OR11H4: variants seen among roughly 807,000 people sequenced by gnomAD.
The protein encoded by OR11H4 is olfactory receptor 11H4.
For synonymous variants in OR11H4, 162 were observed against 142.3 expected, an observed-to-expected ratio of 1.14 and a Z score of -0.98; for missense variants, 460 against 371.1, an observed-to-expected ratio of 1.24 and a Z score of -1.97.
chr14:20,242,697 T>A (rs1880961137), intron 1 of OR11H4, 114 bp from the exon 2 acceptor site: 1 of 1,197,762 alleles, frequency 8.3e-7, no homozygotes, highest in Non-Finnish European at 1.2e-6. Context: ...TTATCTCATG[T>A]ATTTTCCTGT....
chr14:20,242,216 C>T (rs529829356), intron 1 of OR11H4, among the ~76,000 whole-genome samples: 374 of 152,190 alleles, frequency 2.5e-3, no homozygotes, highest in African/African-American at 6.2e-3. Flanking sequence ...GGAGAAACCT[C>T]AGACAATACC....
At position 20,243,595 on chromosome 14, in the gene OR11H4, G is replaced by C. The variant is rs1880991942; in HGVS notation, c.774G>C (p.Met258Ile). Reference sequence around the variant, plus strand: ...TTTTCTATGGGACAGTCATGGTAATGTATGTAAGTCCTACATATGGGATCC... The same window carrying C: ...TTTTCTATGGGACAGTCATGGTAATCTATGTAAGTCCTACATATGGGATCC... ...VSLFYGTVMV[M>I]YVSPTYGIPT... is the part of the protein sequence containing the mutation. Residue 258 changes from methionine (M) to isoleucine (I), a missense_variant, in exon 2 of 2, where the codon ATG becomes ATC. By Grantham distance (10) the Met-to-Ile change is conservative. Transcript: ENST00000641082. 1.9e-6 allele frequency: 3 copies of C among 1,613,594 alleles called. No individual in the cohort carries two copies. The East Asian group carries it at 6.7e-5, about 36-fold the overall frequency.
Position 20,243,285 on chromosome 14 carries a change from G to A in OR11H4, c.464G>A (p.Gly155Glu). Residue 155 changes from glycine to glutamate, a missense_variant, in exon 2 of 2, where the codon GGA (glycine) becomes GAA (glutamate). Coordinates refer to ENST00000641082, the MANE Select transcript of OR11H4 (RefSeq NM_001004479.2). ...TTCTGTTGGCTTATTGGATTCCTTG[G>A]ATACCCAATTCCCATTTTCTACATC... ...VSFCWLIGFL[G>E]YPIPIFYISQ... The A allele has an allele frequency of 6.2e-7, 1 of 1,614,032 alleles. No individual in the cohort carries two copies. The highest frequency in any genetic ancestry group is 8.5e-7 in the Non-Finnish European group (1 of 1,180,012).
At position 20,243,367 on chromosome 14, in the gene OR11H4, C is replaced by A. The variant is rs139794108; in HGVS notation, c.546C>A (p.Asp182Glu). ...NIIDHFLCDM[D>E]PLMALSCAPA... ...TTGATCACTTCCTGTGTGACATGGACCCATTGATGGCTCTATCCTGTGCCC... is the reference window on the plus strand; with the variant it reads ...TTGATCACTTCCTGTGTGACATGGAACCATTGATGGCTCTATCCTGTGCCC... Residue 182 changes from aspartate (D) to glutamate (E), a missense_variant, in exon 2 of 2, where the codon GAC (aspartate) becomes GAA (glutamate). Physicochemically the swap from Asp to Glu is conservative, Grantham distance 45. Coordinates refer to ENST00000641082, the MANE Select transcript of OR11H4 (RefSeq NM_001004479.2). 1 of 1,614,012 alleles carries A rather than the reference C, an allele frequency of 6.2e-7. No individual in the cohort carries two copies. The highest frequency in any genetic ancestry group is 2.2e-5 in the East Asian group (1 of 44,886).
intron 1 of OR11H4, among the ~76,000 whole-genome samples, chr14:20,242,382 T>C (rs532908310): frequency 1.1e-4 from 17 of 152,308 alleles, no homozygotes; most frequent in African/African-American, 4.1e-4. Context: ...CCCTTAAACC[T>C]GGATTTTATA....
At chr14:20,241,298 A>C (rs1172046445) in intron 1 of OR11H4, among the ~76,000 whole-genome samples, 1 of 152,178 alleles carries the variant, frequency 6.6e-6, no homozygotes, top group Non-Finnish European at 1.5e-5. Context: ...ATGTTTTTAA[A>C]ATATTATCAT....
rs576348380 is a variant in OR11H4, at chr14:20,239,921, T to G, written c.-12+590T>G. Among the ~76,000 whole-genome samples the G allele has an allele frequency of 5.9e-5, 9 of 152,272 alleles. No homozygotes were observed. The East Asian group carries it at 7.7e-4, about 13-fold the overall frequency. On this transcript the variant is annotated intron_variant, in intron 1 of 1. Coordinates refer to ENST00000641082, the MANE Select transcript of OR11H4 (RefSeq NM_001004479.2). ...TCCGTCAATGCGAAAACTCTGAAAT[T>G]GATTACTCGGGTCTTTCTATTAAGC...
At position 20,242,886 on chromosome 14, in the gene OR11H4, A is replaced by G; in HGVS notation, c.65A>G (p.Lys22Arg). The part of the protein sequence containing the change: ...FILLGFPGCW[K>R]IQIFLFSLFL... Reference sequence around the variant, plus strand: ...CTCCTGGGATTCCCTGGTTGCTGGAAGATTCAGATTTTCCTCTTCTCATTG... The same window carrying G: ...CTCCTGGGATTCCCTGGTTGCTGGAGGATTCAGATTTTCCTCTTCTCATTG... Residue 22 changes from lysine to arginine, a missense_variant, in exon 2 of 2, where the codon AAG becomes AGG. By Grantham distance (26) the Lys-to-Arg change is conservative. Transcript: ENST00000641082. 1 of 1,614,172 alleles carries G rather than the reference A, an allele frequency of 6.2e-7. No homozygotes were observed. The highest frequency in any genetic ancestry group is 8.5e-7 in the Non-Finnish European group (1 of 1,180,032).
Position 20,244,134 on chromosome 14 carries a change from G to A in OR11H4, c.*368G>A, listed in dbSNP as rs1425851130. ...GCTCCTAGGAGTCTTTGTCTGATGG[G>A]AATCAATAGTGGCACAATACCCAGC... On this transcript the variant is annotated 3_prime_UTR_variant, in exon 2 of 2. Coordinates refer to ENST00000641082, the MANE Select transcript of OR11H4 (RefSeq NM_001004479.2). The A allele has an allele frequency of 1.2e-5, 2 of 165,144 alleles. No individual in the cohort carries two copies. Among genetic ancestry groups the A allele is most frequent in the Non-Finnish European group, 2.6e-5 (2 of 77,126 alleles). 10.2% of individuals were successfully genotyped at this position (165,144 alleles called of 1,614,324 possible). A position where few individuals can be genotyped will look rare whatever the true frequency, so the allele number is the denominator to read the frequency against.
intron 1 of OR11H4, 72 bp from the exon 2 acceptor site, chr14:20,242,739 T>C (rs1880962226): frequency 6.6e-7 from 1 of 1,510,308 alleles, no homozygotes; most frequent in East Asian, 2.3e-5. Flanking sequence ...GTAAAATCCT[T>C]GAGATACGTA....
intron 1 of OR11H4, among the ~76,000 whole-genome samples, chr14:20,241,858 A>G (rs141595052): frequency 0.11 from 17,452 of 152,058 alleles, 1,158 homozygotes; most frequent in African/African-American, 0.18. Flanking sequence ...AGTTCAAGGG[A>G]AGGTACTATG....
intron 1 of OR11H4, among the ~76,000 whole-genome samples, chr14:20,241,940 G>A (rs1023015938): frequency 1.2e-4 from 18 of 152,012 alleles, no homozygotes; most frequent in Admixed American, 5.2e-4. Context: ...AGAATAACAA[G>A]GCAGCATTAC....
chr14:20,242,060 G>A (rs755475631), intron 1 of OR11H4, among the ~76,000 whole-genome samples: 144 of 152,114 alleles, frequency 9.5e-4, no homozygotes, highest in Non-Finnish European at 1.8e-3. Context: ...GGGGCAAGCA[G>A]GAGACAGTGG....
At chr14:20,240,998 C>T (rs1236833904) in intron 1 of OR11H4, among the ~76,000 whole-genome samples, 1 of 152,008 alleles carries the variant, frequency 6.6e-6, no homozygotes, top group Non-Finnish European at 1.5e-5. Flanking sequence ...CTTGTTGCTA[C>T]TGAAAAGTAC....
Position 20,243,108 on chromosome 14 carries a change from G to A in OR11H4, c.287G>A (p.Gly96Glu). The A allele has an allele frequency of 6.2e-7, 1 of 1,613,978 alleles. No individual in the cohort carries two copies. Among genetic ancestry groups the A allele is most frequent in the South Asian group, 1.1e-5 (1 of 91,074 alleles). The change falls in exon 2 of 2, where the codon GGG becomes GAG. Residue 96 changes from glycine to glutamate, a missense_variant. Gly to Glu is a moderately conservative substitution (Grantham distance 98). Transcript: ENST00000641082. ...LSKTKAISFS[G>E]CFLQFYFFFS... ...AAGACCAAGGCCATCTCATTTTCTG[G>A]GTGCTTCCTCCAGTTCTATTTCTTC...
intron 1 of OR11H4, among the ~76,000 whole-genome samples, chr14:20,240,579 CT>C (rs34514476): frequency 0.14 from 15,076 of 105,090 alleles, 695 homozygotes; most frequent in Middle Eastern, 0.16. Flanking sequence ...AAACTACCTT[CT>C]TTTTTTTTTT....
At position 20,243,675 on chromosome 14, in the gene OR11H4, T is replaced by G. The variant is rs779234986; in HGVS notation, c.854T>G (p.Phe285Cys). The G allele has an allele frequency of 4.6e-5, 75 of 1,613,964 alleles. No homozygotes were observed. Among genetic ancestry groups the G allele is most frequent in the Non-Finnish European group, 5.8e-5 (69 of 1,179,964 alleles). ...TLVYSVTTPL[F>C]NPLIYTLRNK... The stretch of plus-strand genomic sequence containing the variant: ...GTATATTCAGTAACGACTCCTCTTT[T>G]TAATCCTCTGATCTATACTCTTCGT... The change falls in exon 2 of 2, where the codon TTT becomes TGT. Residue 285 changes from phenylalanine to cysteine, a missense_variant. Physicochemically the swap from Phe to Cys is radical, Grantham distance 205. Coordinates refer to ENST00000641082, the MANE Select transcript of OR11H4 (RefSeq NM_001004479.2).
intron 1 of OR11H4, among the ~76,000 whole-genome samples, chr14:20,241,837 T>C (rs555902551): frequency 5.5e-4 from 83 of 152,122 alleles, no homozygotes; most frequent in South Asian, 2.9e-3. Flanking sequence ...GAAGAATCTA[T>C]GTCATAATTA....
At chr14:20,239,762 C>A (rs1297017501) in intron 1 of OR11H4, among the ~76,000 whole-genome samples, 1 of 151,824 alleles carries the variant, frequency 6.6e-6, no homozygotes, top group Non-Finnish European at 1.5e-5. Flanking sequence ...TGATATATCT[C>A]AAAAATCAGG....
Sources: allele counts gnomAD v4.1 joint callset (sites outside exome capture counted in the v4.1 genomes callset), GRCh38; gene constraint gnomAD v4.1.1; transcripts MANE v1.5; gene names NCBI Gene and HGNC (gene_info 2026-07-23, HGNC 2026-07-21).